The following MEIS1 variants were observed in gnomAD, a reference collection of about 807,000 sequenced individuals.
The protein encoded by MEIS1 is Meis homeobox 1, also known as homeobox protein Meis1.
MEIS1 carries 5 observed loss-of-function variants against 50.8 expected under a neutral mutation model. The observed-to-expected ratio is 0.10, with a 90% CI of 0.05 to 0.21. The LOEUF (loss-of-function observed/expected upper bound fraction) is 0.21, where lower values mean the gene tolerates loss of function less well. Among genes scored for constraint, MEIS1 ranks in the 10% least tolerant of loss-of-function variants. The pLI, the probability that MEIS1 is intolerant of heterozygous loss-of-function variation, is 1.00. For synonymous variants in MEIS1, 176 were observed against 179.3 expected (o/e 0.98, Z 0.15); for missense variants, 318 against 517.3 (o/e 0.61, Z 3.74).
intron 7 of MEIS1, among the ~76,000 whole-genome samples, chr2:66,473,404 A>G (rs895684788): frequency 2.3e-4 from 32 of 140,324 alleles, no homozygotes; most frequent in Admixed American, 2.0e-3. Flanking sequence ...AAAAATATAT[A>G]TATATATATA....
chr2:66,552,863 T>C (rs1458043417), intron 9 of MEIS1, among the ~76,000 whole-genome samples: 2 of 152,202 alleles, frequency 1.3e-5, no homozygotes, highest in African/African-American at 2.4e-5. Flanking sequence ...AAATTATCCT[T>C]TCAACTTCTG....
chr2:66,528,854 A>G (rs983699804), intron 8 of MEIS1, among the ~76,000 whole-genome samples: 1 of 152,110 alleles, frequency 6.6e-6, no homozygotes, highest in Non-Finnish European at 1.5e-5. Flanking sequence ...GTGCCACTCA[A>G]GGACCCCTTG....
At chr2:66,549,623 G>C (rs183053866) in intron 9 of MEIS1, among the ~76,000 whole-genome samples, 2 of 152,212 alleles carry the variant, frequency 1.3e-5, no homozygotes, top group East Asian at 3.9e-4. Flanking sequence ...ACTTAAAGCT[G>C]ATGTTGAGAC....
At chr2:66,524,677 G>T (rs1674206084) in intron 8 of MEIS1, among the ~76,000 whole-genome samples, 1 of 138,870 alleles carries the variant, frequency 7.2e-6, no homozygotes, top group South Asian at 2.7e-4. Context: ...GATTATTTAG[G>T]TTCTAAATAG....
At chr2:66,522,285 G>A (rs1291815498) in intron 8 of MEIS1, among the ~76,000 whole-genome samples, 1 of 152,186 alleles carries the variant, frequency 6.6e-6, no homozygotes, top group East Asian at 1.9e-4. Flanking sequence ...GGTAAAGAAT[G>A]GAGGGGCTTG....
At chr2:66,541,543 A>T (rs1212078457) in intron 8 of MEIS1, among the ~76,000 whole-genome samples, 1 of 152,182 alleles carries the variant, frequency 6.6e-6, no homozygotes, top group East Asian at 1.9e-4. Flanking sequence ...AACTTCTTTT[A>T]ACTGCTGTTG....
intron 7 of MEIS1, among the ~76,000 whole-genome samples, chr2:66,483,232 C>CT (rs796234118): frequency 0.011 from 1,251 of 109,590 alleles, 16 homozygotes; most frequent in African/African-American, 0.037. Context: ...TTTTTTTTGT[C>CT]TTTTTTTTTT....
intron 9 of MEIS1, among the ~76,000 whole-genome samples, chr2:66,555,709 G>T (rs995221806): frequency 6.6e-6 from 1 of 152,058 alleles, no homozygotes; most frequent in Non-Finnish European, 1.5e-5. Flanking sequence ...CGTTAAGCAC[G>T]GAAGCGCAGT....
intron 7 of MEIS1, among the ~76,000 whole-genome samples, chr2:66,470,904 A>G (rs1672747480): frequency 6.6e-6 from 1 of 152,240 alleles, no homozygotes; most frequent in Non-Finnish European, 1.5e-5. Flanking sequence ...TTTTTCTGTA[A>G]GGTGACCTCT....
intron 6 of MEIS1, among the ~76,000 whole-genome samples, chr2:66,457,515 C>T (rs1055416271): frequency 3.3e-5 from 5 of 152,184 alleles, no homozygotes; most frequent in African/African-American, 1.2e-4. Context: ...CCCTTCTCTT[C>T]TCCTCATTTC....
chr2:66,451,652 C>G (rs967377387), intron 6 of MEIS1, among the ~76,000 whole-genome samples: 2 of 152,000 alleles, frequency 1.3e-5, no homozygotes, highest in African/African-American at 2.4e-5. Context: ...ATAGTGTTTT[C>G]TGGTATTCAG....
At chr2:66,486,272 G>A (rs1673141540) in intron 7 of MEIS1, among the ~76,000 whole-genome samples, 3 of 152,198 alleles carry the variant, frequency 2.0e-5, no homozygotes, top group Admixed American at 6.5e-5. Context: ...GTAAATTTTT[G>A]TATAAGGTGT....
intron 7 of MEIS1, among the ~76,000 whole-genome samples, chr2:66,506,450 C>T (rs1271469454): frequency 1.3e-5 from 2 of 152,116 alleles, no homozygotes; most frequent in African/African-American, 2.4e-5. Flanking sequence ...CAAGTCTGCT[C>T]AGGACCGGAG....
intron 8 of MEIS1, among the ~76,000 whole-genome samples, chr2:66,514,187 G>T (rs1199618026): frequency 6.6e-6 from 1 of 152,104 alleles, no homozygotes; most frequent in Non-Finnish European, 1.5e-5. Flanking sequence ...TGAAGCTGAG[G>T]TGCCCCTGAA....
chr2:66,515,823 A>G (rs892073637), intron 8 of MEIS1, among the ~76,000 whole-genome samples: 1 of 152,178 alleles, frequency 6.6e-6, no homozygotes, highest in Non-Finnish European at 1.5e-5. Context: ...TATTAATAGG[A>G]ATTCTTACAT....
chr2:66,547,911 G>T, intron 8 of MEIS1, 32 bp from the exon 9 acceptor site: 1 of 1,608,892 alleles, frequency 6.2e-7, no homozygotes, highest in Non-Finnish European at 8.5e-7. Flanking sequence ...AATATTGCCT[G>T]ATGCACACGT....
chr2:66,462,073 A>C (rs556921765), intron 6 of MEIS1, among the ~76,000 whole-genome samples: 2 of 152,356 alleles, frequency 1.3e-5, no homozygotes, highest in East Asian at 3.9e-4. Context: ...AAATCAGTGG[A>C]GCTCATTAAA....
rs188065985 is a variant in MEIS1 at position 66,525,834 on chromosome 2, C to T, written c.888+13540C>T. Among the ~76,000 whole-genome samples, 12 of 152,302 alleles carry T rather than the reference C, an allele frequency of 7.9e-5. No homozygotes were observed. The East Asian group carries it at 1.4e-3, about 17-fold the overall frequency. On this transcript the variant is annotated intron_variant, in intron 8 of 12. Transcript: ENST00000272369. The stretch of plus-strand genomic sequence containing the variant: ...TCAGTGCTCTGGTGACAATATGCAG[C>T]GACGGAAGTTATCATGGAGTGAGGG...
chr2:66,539,767 G>A (rs1310048651), intron 8 of MEIS1, among the ~76,000 whole-genome samples: 1 of 152,086 alleles, frequency 6.6e-6, no homozygotes, highest in Non-Finnish European at 1.5e-5. Flanking sequence ...TCCTTTGGCT[G>A]GATGCTGGAA....
Sources: gnomAD v4.1 joint callset for allele counts (sites outside exome capture counted in the v4.1 genomes callset) on GRCh38, gnomAD v4.1.1 for gene constraint, MANE v1.5 for transcripts, NCBI Gene and HGNC (gene_info 2026-07-23, HGNC 2026-07-21) for gene names.